The following GALNT1 variants were observed in gnomAD, a reference collection of about 807,000 sequenced individuals.
GALNT1 encodes the protein polypeptide N-acetylgalactosaminyltransferase 1, also known as GalNAc transferase 1.
GALNT1 carries 17 observed loss-of-function variants against 65.7 expected under a neutral mutation model. That is an observed-to-expected ratio of 0.26 (90% confidence interval 0.18 to 0.39). The LOEUF is 0.39. GALNT1 is among the 10% of genes least tolerant of loss of function. The probability of loss-of-function intolerance (pLI) is 1.00; values close to 1 mark genes in which losing one functional copy is unlikely to be tolerated. For missense variants in GALNT1, 460 were observed against 672.8 expected (o/e 0.68, Z 3.50); for synonymous variants, 210 against 219.7 (o/e 0.96, Z 0.39).
intron 1 of GALNT1, among the ~76,000 whole-genome samples, chr18:35,582,213 C>T (rs1462779578): frequency 1.3e-5 from 2 of 152,142 alleles, no homozygotes. Flanking sequence ...CGGTGCCAGC[C>T]TGACCCTCGC....
At chr18:35,693,865 T>C (rs1268984927) in intron 9 of GALNT1, among the ~76,000 whole-genome samples, 1 of 152,022 alleles carries the variant, frequency 6.6e-6, no homozygotes, top group East Asian at 1.9e-4. Context: ...ATGTTAAGTA[T>C]GAGAGAGAAG....
intron 1 of GALNT1, among the ~76,000 whole-genome samples, chr18:35,624,243 C>T (rs959235442): frequency 6.6e-6 from 1 of 152,238 alleles, no homozygotes; most frequent in African/African-American, 2.4e-5. Flanking sequence ...TTTCCTGCCT[C>T]ACTTTCCAGT....
intron 1 of GALNT1, among the ~76,000 whole-genome samples, chr18:35,642,154 C>A (rs897086096): frequency 1.3e-5 from 2 of 152,122 alleles, no homozygotes; most frequent in Non-Finnish European, 2.9e-5. Flanking sequence ...CTTGCACATG[C>A]GTACTAGTAG....
At chr18:35,691,981 C>G (rs961167812) in intron 8 of GALNT1, among the ~76,000 whole-genome samples, 200 bp from the exon 9 acceptor site, 2 of 152,110 alleles carry the variant, frequency 1.3e-5, no homozygotes, top group Non-Finnish European at 2.9e-5. Context: ...TGTCATTTTT[C>G]TCTGAAAAAT....
At chr18:35,650,889 A>G (rs911571879) in intron 1 of GALNT1, among the ~76,000 whole-genome samples, 3 of 152,170 alleles carry the variant, frequency 2.0e-5, no homozygotes, top group African/African-American at 7.2e-5. Flanking sequence ...TAAGAAGATG[A>G]TGAGATTAAG....
At position 35,667,794 on chromosome 18, in the gene GALNT1, A is replaced by G. The variant is rs186287473; in HGVS notation, c.314+3992A>G. On this transcript the variant is annotated intron_variant, in intron 3 of 11. Coordinates refer to ENST00000269195, the MANE Select transcript of GALNT1 (RefSeq NM_020474.4). Reference sequence around the variant, plus strand: ...TGTTCTTCAGTTCCCTGTCCTGTGAATTGGTAGTTAGACCTAAAGGCATAT... The same window carrying G: ...TGTTCTTCAGTTCCCTGTCCTGTGAGTTGGTAGTTAGACCTAAAGGCATAT... 1.2e-3 allele frequency among the ~76,000 whole-genome samples: 177 copies of G among 152,274 alleles called. 6 individuals carry two copies. The East Asian group carries it at 0.025, about 21-fold the overall frequency.
chr18:35,586,529 C>T (rs1473594012), intron 1 of GALNT1, among the ~76,000 whole-genome samples: 1 of 150,974 alleles, frequency 6.6e-6, no homozygotes, highest in East Asian at 1.9e-4. Flanking sequence ...GAAGATTTTT[C>T]CCTTGTGCTT....
At chr18:35,662,867 C>T (rs894581833) in intron 2 of GALNT1, among the ~76,000 whole-genome samples, 7 of 152,120 alleles carry the variant, frequency 4.6e-5, no homozygotes, top group African/African-American at 1.7e-4. Context: ...GCTGATCAGG[C>T]ACATTGCTCT....
At chr18:35,694,832 A>G (rs1238440049) in intron 9 of GALNT1, among the ~76,000 whole-genome samples, 1 of 152,256 alleles carries the variant, frequency 6.6e-6, no homozygotes, top group African/African-American at 2.4e-5. Context: ...AATATTTTTC[A>G]GTCTTAAAAA....
chr18:35,624,516 A>G (rs2046892508), intron 1 of GALNT1, among the ~76,000 whole-genome samples: 1 of 152,152 alleles, frequency 6.6e-6, no homozygotes, highest in Admixed American at 6.5e-5. Context: ...CCAGTTTGAC[A>G]ATTTAGATAT....
chr18:35,600,605 T>C (rs2046569646), intron 1 of GALNT1, among the ~76,000 whole-genome samples: 1 of 152,140 alleles, frequency 6.6e-6, no homozygotes, highest in Non-Finnish European at 1.5e-5. Flanking sequence ...TTCCAGATCT[T>C]AGAGGAAAGG....
At chr18:35,641,732 C>T (rs1296053922) in intron 1 of GALNT1, among the ~76,000 whole-genome samples, 1 of 152,142 alleles carries the variant, frequency 6.6e-6, no homozygotes, top group Non-Finnish European at 1.5e-5. Flanking sequence ...AGTGATATAA[C>T]AGTTCACATC....
intron 1 of GALNT1, among the ~76,000 whole-genome samples, chr18:35,622,574 G>A (rs74258564): frequency 0.062 from 9,372 of 152,192 alleles, 317 homozygotes; most frequent in South Asian, 0.076. Context: ...GGTTGTTATT[G>A]GTACAGAAGA....
intron 3 of GALNT1, among the ~76,000 whole-genome samples, chr18:35,676,311 G>C (rs2047710212): frequency 6.6e-6 from 1 of 152,098 alleles, no homozygotes; most frequent in South Asian, 2.1e-4. Flanking sequence ...GGAGAGAGGG[G>C]CTGCAGTGGA....
At chr18:35,682,071 C>T (rs2047794905) in intron 4 of GALNT1, among the ~76,000 whole-genome samples, 1 of 152,166 alleles carries the variant, frequency 6.6e-6, no homozygotes. Context: ...GGGATTGGCA[C>T]TACCCTTACC....
At chr18:35,588,156 TTG>T (rs1466493332) in intron 1 of GALNT1, among the ~76,000 whole-genome samples, 1 of 152,218 alleles carries the variant, frequency 6.6e-6, no homozygotes, top group African/African-American at 2.4e-5. Flanking sequence ...TTGCTTGTTT[TTG>T]TCAAGGCATT....
intron 3 of GALNT1, among the ~76,000 whole-genome samples, chr18:35,671,993 T>C (rs545387517): frequency 6.6e-6 from 1 of 152,346 alleles, no homozygotes; most frequent in East Asian, 1.9e-4. Flanking sequence ...TTTTTCTCTG[T>C]TTGTTCCTTT....
At chr18:35,649,678 G>A (rs529218684) in intron 1 of GALNT1, among the ~76,000 whole-genome samples, 94 of 152,106 alleles carry the variant, frequency 6.2e-4, no homozygotes, top group Non-Finnish European at 1.1e-3. Flanking sequence ...TAAGGTCTCA[G>A]GGTCTCAAAA....
intron 1 of GALNT1, among the ~76,000 whole-genome samples, chr18:35,600,309 ATTTC>A (rs1398032406): frequency 6.6e-6 from 1 of 151,148 alleles, no homozygotes; most frequent in African/African-American, 2.4e-5. Context: ...TGCTTTCTTA[ATTTC>A]TTTTTCGTTT....
Sources: allele counts gnomAD v4.1 joint callset (sites outside exome capture counted in the v4.1 genomes callset), GRCh38; gene constraint gnomAD v4.1.1; transcripts MANE v1.5; gene names NCBI Gene and HGNC (gene_info 2026-07-23, HGNC 2026-07-21).